AKAP7: variants seen among roughly 807,000 people sequenced by gnomAD.
AKAP7 encodes A kinase (PRKA) anchor protein 7.
Under a neutral mutation model 39.5 loss-of-function variants are expected in AKAP7, and 39 were observed. The ratio of observed to expected loss-of-function variants is 0.99; its 90% CI spans 0.76 to 1.29. The LOEUF is 1.29. AKAP7 is among the 50% of genes most tolerant of loss of function. The pLI is 0.00. For missense variants in AKAP7, 414 were observed against 407.7 expected, an observed-to-expected ratio of 1.02 and a Z score of -0.13; for synonymous variants, 140 against 139.1, an observed-to-expected ratio of 1.01 and a Z score of -0.05.
chr6:131,203,462 C>T lies in AKAP7; in HGVS notation c.702+3889C>T, dbSNP rs200717911. ...GCGAAATAATAGTTTTTTTTTAATC[C>T]ACTTGCATGTTAGGAGATTGGACTC... On this transcript the variant is annotated intron_variant, in intron 6 of 7. Coordinates refer to ENST00000431975, the MANE Select transcript of AKAP7 (RefSeq NM_016377.4). Among the ~76,000 whole-genome samples, 5 of 151,828 alleles carry T rather than the reference C, an allele frequency of 3.3e-5. No individual in the cohort carries two copies. The South Asian group carries it at 1.0e-3, about 32-fold the overall frequency.
chr6:131,244,995 T>C (rs1287225545), intron 7 of AKAP7, among the ~76,000 whole-genome samples: 2 of 152,074 alleles, frequency 1.3e-5, no homozygotes, highest in Non-Finnish European at 2.9e-5. Context: ...GTAGGAGTAA[T>C]GGTTTAAAAA....
At chr6:131,223,321 G>A (rs1210839659) in intron 7 of AKAP7, among the ~76,000 whole-genome samples, 3 of 152,112 alleles carry the variant, frequency 2.0e-5, no homozygotes, top group African/African-American at 7.2e-5. Context: ...AACACCTATG[G>A]ATGTATACAT....
chr6:131,224,730 CTTTTTTT>C lies in AKAP7; in HGVS notation c.850+4945_850+4951del, dbSNP rs779047229. ...GTTTGTAAAGTTTCCAGTTGATTCA[CTTTTTTT>C]TTTTTTTTTTTTTTTTTTTTTTGAG... On this transcript the variant is annotated intron_variant, in intron 7 of 7. Transcript: ENST00000431975. Among the ~76,000 whole-genome samples, 5 of 55,104 alleles carry C rather than the reference CTTTTTTT, an allele frequency of 9.1e-5. No individual in the cohort carries two copies. The East Asian group carries it at 1.8e-3, about 20-fold the overall frequency. 36.2% of individuals were successfully genotyped at this position (55,104 alleles called of 152,430 possible). A position where few individuals can be genotyped will look rare whatever the true frequency, so the allele number is the denominator to read the frequency against.
chr6:131,179,067 T>G (rs907305060), intron 5 of AKAP7, among the ~76,000 whole-genome samples: 1 of 152,228 alleles, frequency 6.6e-6, no homozygotes. Context: ...CCCTGCCCAC[T>G]GTGAGTAGAG....
intron 6 of AKAP7, among the ~76,000 whole-genome samples, chr6:131,209,611 T>C (rs1808464547): frequency 2.0e-5 from 3 of 152,214 alleles, no homozygotes; most frequent in Non-Finnish European, 2.9e-5. Context: ...TATTAAAAGA[T>C]GCAGTATCAG....
At chr6:131,137,118 A>G (rs1800618448) in intron 1 of AKAP7, among the ~76,000 whole-genome samples, 1 of 151,194 alleles carries the variant, frequency 6.6e-6, no homozygotes, top group African/African-American at 2.4e-5. Flanking sequence ...CTGTGCCAAC[A>G]TGCCTGACTA....
chr6:131,149,058 G>T (rs1233771024), intron 2 of AKAP7, among the ~76,000 whole-genome samples: 1 of 152,200 alleles, frequency 6.6e-6, no homozygotes, highest in Non-Finnish European at 1.5e-5. Context: ...GGAATCCTTG[G>T]CAGTAGGAAA....
chr6:131,185,025 C>T (rs1729549), intron 5 of AKAP7: 228,687 of 743,914 alleles, frequency 0.31, 38,592 homozygotes, highest in Non-Finnish European at 0.36. Context: ...TTCTAGGATC[C>T]GCTTTCGTGC....
rs542225406 is a variant in AKAP7 at position 131,261,357 on chromosome 6, G to A, written c.851-20173G>A. Among the ~76,000 whole-genome samples, 4 of 152,206 alleles carry A rather than the reference G, an allele frequency of 2.6e-5. No individual in the cohort carries two copies. The South Asian group carries it at 8.3e-4, about 32-fold the overall frequency. Reference sequence around the variant, plus strand: ...TAAAATACCAATTATTGAACTAATGGTAACAGCTGGCAGTTGGTACCAATG... The same window carrying A: ...TAAAATACCAATTATTGAACTAATGATAACAGCTGGCAGTTGGTACCAATG... On this transcript the variant is annotated intron_variant, in intron 7 of 7. Coordinates refer to ENST00000431975, the MANE Select transcript of AKAP7 (RefSeq NM_016377.4).
At chr6:131,189,833 A>T (rs559607561) in intron 5 of AKAP7, among the ~76,000 whole-genome samples, 145 of 152,284 alleles carry the variant, frequency 9.5e-4, no homozygotes, top group Non-Finnish European at 1.1e-3. Flanking sequence ...AAGTTATATT[A>T]TTTAGGAGGC....
intron 6 of AKAP7, among the ~76,000 whole-genome samples, chr6:131,213,858 A>G (rs532207251): frequency 1.3e-5 from 2 of 152,326 alleles, no homozygotes; most frequent in East Asian, 1.9e-4. Flanking sequence ...AAATAAAGGC[A>G]TTGCAGTGTT....
chr6:131,224,895 T>TGTGC (rs1459566433), intron 7 of AKAP7, among the ~76,000 whole-genome samples: 1 of 151,600 alleles, frequency 6.6e-6, no homozygotes, highest in East Asian at 1.9e-4. Context: ...GGACTACAAG[T>TGTGC]GTGCGCCACC....
chr6:131,258,380 C>G (rs979730295), intron 7 of AKAP7, among the ~76,000 whole-genome samples: 28 of 152,192 alleles, frequency 1.8e-4, no homozygotes, highest in Admixed American at 1.2e-3. Flanking sequence ...TGCTTTCAGT[C>G]TAACAAGCAA....
intron 7 of AKAP7, among the ~76,000 whole-genome samples, chr6:131,278,609 G>T (rs1018017785): frequency 6.6e-5 from 10 of 152,310 alleles, no homozygotes; most frequent in African/African-American, 1.9e-4. Flanking sequence ...AATCATGGCA[G>T]AAGGTGAAGG....
intron 7 of AKAP7, among the ~76,000 whole-genome samples, chr6:131,262,788 G>A (rs1401012685): frequency 6.6e-6 from 1 of 152,008 alleles, no homozygotes; most frequent in East Asian, 1.9e-4. Flanking sequence ...TGTTAACCAC[G>A]TGTTCTGCAA....
In AKAP7 at chr6:131,261,209, C is replaced by CAAAA. The variant is rs370266418; in HGVS notation, c.851-20308_851-20305dup. Among the ~76,000 whole-genome samples, 488 of 108,566 alleles carry CAAAA rather than the reference C, an allele frequency of 4.5e-3. 5 individuals are homozygous for CAAAA. The highest frequency in any genetic ancestry group is 0.015 in the African/African-American group (468 of 30,636). 71.2% of individuals were successfully genotyped at this position (108,566 alleles called of 152,430 possible). ...GGCAACAAGAGCAAAACTCTGTCTC[C>CAAAA]AAAAAAAAAAAAAAAAGAATATTTT... is the stretch of plus-strand genomic sequence containing the variant. On this transcript the variant is annotated intron_variant, in intron 7 of 7. Transcript: ENST00000431975.
intron 7 of AKAP7, chr6:131,250,401 TCTC>T (rs1315199066): frequency 2.1e-6 from 3 of 1,449,218 alleles, no homozygotes; most frequent in African/African-American, 2.8e-5. Context: ...CAAGTTCCCT[TCTC>T]CTTTCTCTCC....
chr6:131,171,425 G>A (rs1804035505), intron 5 of AKAP7, among the ~76,000 whole-genome samples: 1 of 152,060 alleles, frequency 6.6e-6, no homozygotes, highest in Admixed American at 6.5e-5. Context: ...CTGGGTAGAG[G>A]GAACAGCATA....
intron 5 of AKAP7, among the ~76,000 whole-genome samples, chr6:131,192,152 G>T (rs187779235): frequency 1.2e-4 from 18 of 152,242 alleles, no homozygotes; most frequent in African/African-American, 3.4e-4. Flanking sequence ...TATAACTCAA[G>T]AAATCTTTGC....
Sources: allele counts gnomAD v4.1 joint callset (sites outside exome capture counted in the v4.1 genomes callset), GRCh38; gene constraint gnomAD v4.1.1; transcripts MANE v1.5; gene names NCBI Gene and HGNC (gene_info 2026-07-23, HGNC 2026-07-21).